RP1: variants seen among roughly 807,000 people sequenced by gnomAD.
RP1 encodes oxygen-regulated protein 1.
A neutral mutation model predicts 14.8 loss-of-function variants in RP1; 16 were observed. The observed-to-expected ratio is 1.08, with a 90% CI of 0.73 to 1.65. The LOEUF (loss-of-function observed/expected upper bound fraction) is 1.65, where lower values mean the gene tolerates loss of function less well. Ranked by LOEUF, RP1 falls within the 40% of genes most tolerant of loss-of-function variation. RP1 has a pLI of 0.00. For missense variants in RP1, 2,631 were observed against 2,535.0 expected, an observed-to-expected ratio of 1.04 and a Z score of -0.81; for synonymous variants, 876 against 883.6, an observed-to-expected ratio of 0.99 and a Z score of 0.15.
chr8:54,747,713 C>A (rs1302791373), intron 19 of RP1, among the ~76,000 whole-genome samples: 1 of 152,214 alleles, frequency 6.6e-6, no homozygotes, highest in African/African-American at 2.4e-5. Context: ...CCAGCCTGGG[C>A]AACATGGGAA....
upstream of RP1, among the ~76,000 whole-genome samples, chr8:54,612,470 C>T (rs1224720044): frequency 6.6e-6 from 1 of 152,206 alleles, no homozygotes; most frequent in Non-Finnish European, 1.5e-5. Flanking sequence ...TGCAAGCATT[C>T]AGATATACTT....
At chr8:54,630,893 A>G, downstream of RP1, 1 of 872,578 alleles carries the variant, frequency 1.1e-6, no homozygotes, top group Non-Finnish European at 1.4e-6. Flanking sequence ...AAGCATTTCC[A>G]TGGGACAGGA....
At chr8:54,583,499 A>G (rs1033403713) in intron 1 of RP1, among the ~76,000 whole-genome samples, 3 of 152,152 alleles carry the variant, frequency 2.0e-5, no homozygotes, top group African/African-American at 7.2e-5. Flanking sequence ...TGGTATCAGG[A>G]TGATGCTGGC....
At chr8:54,755,593 A>T in intron 20 of RP1, 1 of 1,535,074 alleles carries the variant, frequency 6.5e-7, no homozygotes, top group Non-Finnish European at 8.7e-7. Context: ...ATTTCCTCTT[A>T]TTTTCTCTCC....
intron 24 of RP1, among the ~76,000 whole-genome samples, chr8:54,821,044 G>A (rs868428298): frequency 6.6e-6 from 1 of 152,124 alleles, no homozygotes; most frequent in African/African-American, 2.4e-5. Flanking sequence ...GACGAGTATA[G>A]AATAGCACTG....
chr8:54,622,151 G>T lies in RP1; in HGVS notation c.650G>T (p.Gly217Val). ...PSLQAVILSS[G>V]AVVAAGREPF... is the part of the protein sequence containing the mutation. ...CTCCAGGCAGTGATCCTGAGCTCTG[G>T]AGCTGTGGTGGCGGCAGGAAGGGAG... The change falls in exon 3 of 4, where the codon GGA becomes GTA. Residue 217 changes from glycine to valine, a missense_variant. Coordinates refer to ENST00000220676, the MANE Select transcript of RP1 (RefSeq NM_006269.2). The T allele has an allele frequency of 6.2e-7, 1 of 1,614,172 alleles. No individual in the cohort carries two copies.
chr8:54,634,318 C>T (rs1806307645), downstream of RP1, among the ~76,000 whole-genome samples: 1 of 152,110 alleles, frequency 6.6e-6, no homozygotes, highest in East Asian at 1.9e-4. Flanking sequence ...TTTAAAGTAT[C>T]ACTAAAAATA....
intron 24 of RP1, among the ~76,000 whole-genome samples, chr8:54,818,155 G>T (rs1324066185): frequency 6.6e-6 from 1 of 152,204 alleles, no homozygotes; most frequent in Non-Finnish European, 1.5e-5. Flanking sequence ...ATCTTACACT[G>T]CCTTGGCTAG....
chr8:54,767,332 G>A (rs532730128), intron 22 of RP1, among the ~76,000 whole-genome samples: 1 of 151,730 alleles, frequency 6.6e-6, no homozygotes, highest in Non-Finnish European at 1.5e-5. Flanking sequence ...AAGGCAATCT[G>A]ACTCTACTTG....
intron 12 of RP1, among the ~76,000 whole-genome samples, chr8:54,694,110 C>G (rs954044093): frequency 5.3e-5 from 8 of 152,146 alleles, no homozygotes; most frequent in African/African-American, 1.9e-4. Flanking sequence ...TATTTATATG[C>G]TGGATTACAT....
chr8:54,731,413 G>C (rs1183653644), intron 17 of RP1, among the ~76,000 whole-genome samples: 3 of 152,096 alleles, frequency 2.0e-5, no homozygotes, highest in African/African-American at 7.2e-5. Flanking sequence ...TCCTAGCTTA[G>C]AGTATTTTAA....
intron 24 of RP1, among the ~76,000 whole-genome samples, chr8:54,829,745 A>G (rs1811474669): frequency 6.6e-6 from 1 of 152,164 alleles, no homozygotes. Context: ...AATCATTTGG[A>G]TAAATAAGCA....
At chr8:54,795,465 A>C (rs2129386531) in intron 24 of RP1, among the ~76,000 whole-genome samples, 1 of 152,266 alleles carries the variant, frequency 6.6e-6, no homozygotes, top group Non-Finnish European at 1.5e-5. Context: ...AGATGGGCTA[A>C]ATTTTAGAAC....
At position 54,696,792 on chromosome 8, in the gene RP1, G is replaced by A. The variant is rs1055401520; in HGVS notation, c.1718-2675G>A. Reference sequence around the variant, plus strand: ...ACCCCCCAGAACCTAAAAATGCCACGTATAGTGGAACGTTATGTGACCTGC... The same window carrying A: ...ACCCCCCAGAACCTAAAAATGCCACATATAGTGGAACGTTATGTGACCTGC... On this transcript the variant is annotated intron_variant, in intron 12 of 22. Transcript: ENST00000636932. 9 of 726,778 alleles carry A rather than the reference G, an allele frequency of 1.2e-5. No individual in the cohort carries two copies. In the African/African-American group the frequency reaches 1.4e-4, roughly 11 times the overall value. The allele number at this position is 726,778 out of a possible 1,614,324, so 45.0% of individuals were successfully genotyped here.
At chr8:54,777,405 A>G (rs1013711238) in intron 23 of RP1, among the ~76,000 whole-genome samples, 2 of 152,222 alleles carry the variant, frequency 1.3e-5, no homozygotes, top group Admixed American at 1.3e-4. Flanking sequence ...ATATCAAGAT[A>G]AAATAGGTAA....
chr8:54,635,701 TG>T (rs1483815387), downstream of RP1, among the ~76,000 whole-genome samples: 2 of 152,204 alleles, frequency 1.3e-5, no homozygotes, highest in Non-Finnish European at 2.9e-5. Flanking sequence ...ATGGCTTATT[TG>T]TTCCTCACTT....
chr8:54,852,432 G>T, intron 25 of RP1: 1 of 451,976 alleles, frequency 2.2e-6, no homozygotes, highest in Non-Finnish European at 3.6e-6. Flanking sequence ...TGTTTGAAAG[G>T]GGGTACATAG....
chr8:54,692,151 GT>G (rs1200723561), intron 12 of RP1, among the ~76,000 whole-genome samples: 2 of 151,186 alleles, frequency 1.3e-5, no homozygotes, highest in Non-Finnish European at 2.9e-5. Context: ...TGAACTCATC[GT>G]TTTTTATGGC....
chr8:54,712,808 A>G (rs1048151967), intron 15 of RP1, among the ~76,000 whole-genome samples: 3 of 152,002 alleles, frequency 2.0e-5, no homozygotes, highest in African/African-American at 7.3e-5. Flanking sequence ...AAGAAATAGT[A>G]TTGATACATA....
Sources: allele counts gnomAD v4.1 joint callset (sites outside exome capture counted in the v4.1 genomes callset), GRCh38; gene constraint gnomAD v4.1.1; transcripts MANE v1.5; gene names NCBI Gene and HGNC (gene_info 2026-07-23, HGNC 2026-07-21).